Variants in CRIM1 observed in about 807,000 individuals in gnomAD.
CRIM1 encodes the protein cysteine rich transmembrane BMP regulator 1, also known as cysteine-rich motor neuron 1 protein.
CRIM1 carries 32 observed loss-of-function variants against 116.4 expected under a neutral mutation model. The observed-to-expected ratio is 0.27, with a 90% CI of 0.21 to 0.37. CRIM1 has a LOEUF of 0.37. Among genes scored for constraint, CRIM1 ranks in the 10% least tolerant of loss-of-function variants. The pLI is 1.00. For synonymous variants in CRIM1, 590 were observed against 509.2 expected (o/e 1.16, Z -2.13); for missense variants, 1,331 against 1,354.8 (o/e 0.98, Z 0.28).
chr2:36,501,596 C>T (rs1449547199), intron 8 of CRIM1, among the ~76,000 whole-genome samples: 1 of 152,118 alleles, frequency 6.6e-6, no homozygotes, highest in Non-Finnish European at 1.5e-5. Flanking sequence ...ATAGCAAGGG[C>T]CTGTAGTTCC....
At position 36,476,959 on chromosome 2, in the gene CRIM1, T is replaced by C; in HGVS notation, c.1062T>C (p.Cys354=). Residue 354 remains cysteine (C), a synonymous_variant, in exon 6 of 17, where the codon TGT becomes TGC. Coordinates refer to ENST00000280527, the MANE Select transcript of CRIM1 (RefSeq NM_016441.3). ...GAGACATGTTTCGAATGGACAACTG[T>C]CGGTTCTGTCGATGCCAAGGGGGCG... is the stretch of plus-strand genomic sequence containing the variant. ...YDGDMFRMDN[C]RFCRCQGGVA... The C allele has an allele frequency of 1.2e-6, 2 of 1,614,140 alleles. No homozygotes were observed. Among genetic ancestry groups the C allele is most frequent in the Non-Finnish European group, 1.7e-6 (2 of 1,179,942 alleles).
At chr2:36,465,889 CTTT>C (rs546998292) in intron 5 of CRIM1, among the ~76,000 whole-genome samples, 2 of 143,328 alleles carry the variant, frequency 1.4e-5, no homozygotes, top group Admixed American at 7.0e-5. Flanking sequence ...CTTTAGTATT[CTTT>C]TTTTTTTTTT....
chr2:36,365,027 A>C (rs1021034440), intron 1 of CRIM1, among the ~76,000 whole-genome samples: 4 of 152,230 alleles, frequency 2.6e-5, no homozygotes, highest in African/African-American at 9.6e-5. Context: ...AAATCTCTTC[A>C]AAGGGGTGGG....
intron 2 of CRIM1, among the ~76,000 whole-genome samples, chr2:36,402,885 CAAATTA>C (rs1672525421): frequency 6.6e-6 from 1 of 151,922 alleles, no homozygotes; most frequent in African/African-American, 2.4e-5. Context: ...GAGTTTTGGG[CAAATTA>C]AATTTGACAT....
intron 1 of CRIM1, among the ~76,000 whole-genome samples, chr2:36,392,502 T>C (rs1671693561): frequency 6.6e-6 from 1 of 152,038 alleles, no homozygotes. Flanking sequence ...TGTTAGAGAA[T>C]CAGAACCTTG....
At chr2:36,489,200 G>T (rs139433178) in intron 7 of CRIM1, among the ~76,000 whole-genome samples, 1 of 152,126 alleles carries the variant, frequency 6.6e-6, no homozygotes, top group Non-Finnish European at 1.5e-5. Flanking sequence ...CTTGCATGGT[G>T]GTTGAACCCC....
intron 4 of CRIM1, among the ~76,000 whole-genome samples, chr2:36,455,554 C>T (rs947378546): frequency 2.0e-5 from 3 of 152,136 alleles, no homozygotes; most frequent in African/African-American, 4.8e-5. Context: ...CCTCTGCCCT[C>T]TAAAGCGTTG....
intron 14 of CRIM1, among the ~76,000 whole-genome samples, chr2:36,541,470 C>T (rs544563400): frequency 1.1e-4 from 16 of 152,192 alleles, no homozygotes; most frequent in Admixed American, 5.2e-4. Context: ...GAGGGTTATC[C>T]GAAGTCATGG....
chr2:36,490,726 C>A (rs1332899222), intron 7 of CRIM1, among the ~76,000 whole-genome samples: 1 of 152,108 alleles, frequency 6.6e-6, no homozygotes, highest in Non-Finnish European at 1.5e-5. Context: ...ATCCTCCCAC[C>A]TAGGGACATT....
intron 13 of CRIM1, among the ~76,000 whole-genome samples, chr2:36,526,277 A>G (rs899067527): frequency 3.3e-5 from 5 of 152,252 alleles, no homozygotes; most frequent in African/African-American, 7.2e-5. Context: ...GATGAAGAAC[A>G]AGAATCAAAA....
intron 1 of CRIM1, among the ~76,000 whole-genome samples, chr2:36,372,558 G>C (rs957320601): frequency 6.6e-6 from 1 of 152,212 alleles, no homozygotes; most frequent in Non-Finnish European, 1.5e-5. Context: ...CCAAGATAAA[G>C]TATATAGAGT....
intron 7 of CRIM1, among the ~76,000 whole-genome samples, chr2:36,498,599 T>C (rs1255870478): frequency 6.6e-6 from 1 of 152,202 alleles, no homozygotes; most frequent in Non-Finnish European, 1.5e-5. Context: ...GGCTGCTCAC[T>C]CTTTGTCCTG....
chr2:36,541,641 TG>T (rs1160043867), intron 14 of CRIM1, among the ~76,000 whole-genome samples: 1 of 152,176 alleles, frequency 6.6e-6, no homozygotes, highest in Non-Finnish European at 1.5e-5. Flanking sequence ...CAGATGCCTC[TG>T]AAAGTAAAAT....
At chr2:36,397,159 C>T (rs1672088788) in intron 2 of CRIM1, among the ~76,000 whole-genome samples, 1 of 152,108 alleles carries the variant, frequency 6.6e-6, no homozygotes, top group African/African-American at 2.4e-5. Flanking sequence ...AAATGCGGCT[C>T]ATCTGGCATG....
At chr2:36,381,963 TTTCA>T (rs1256329141) in intron 1 of CRIM1, among the ~76,000 whole-genome samples, 1 of 152,178 alleles carries the variant, frequency 6.6e-6, no homozygotes, top group African/African-American at 2.4e-5. Context: ...TTCTGTTTTC[TTTCA>T]TTGGTGGACC....
At chr2:36,425,927 A>G (rs1674412995) in intron 2 of CRIM1, among the ~76,000 whole-genome samples, 2 of 152,352 alleles carry the variant, frequency 1.3e-5, no homozygotes, top group Admixed American at 1.3e-4. Flanking sequence ...TGTCATTTGA[A>G]TCAGGTGAAG....
chr2:36,395,999 G>T (rs192964614), intron 1 of CRIM1, among the ~76,000 whole-genome samples: 1 of 152,094 alleles, frequency 6.6e-6, no homozygotes, highest in Non-Finnish European at 1.5e-5. Context: ...GATCAACCTC[G>T]TGGGCTCAAG....
intron 13 of CRIM1, among the ~76,000 whole-genome samples, chr2:36,533,120 C>G (rs1346820371): frequency 2.0e-5 from 3 of 152,132 alleles, no homozygotes; most frequent in African/African-American, 7.2e-5. Context: ...TTAGATTATG[C>G]TGTTTCCCCC....
At chr2:36,543,376 TC>T (rs1667088841) in intron 14 of CRIM1, among the ~76,000 whole-genome samples, 1 of 152,220 alleles carries the variant, frequency 6.6e-6, no homozygotes, top group Non-Finnish European at 1.5e-5. Context: ...CAGAAAACAA[TC>T]ACTCTGAGCA....
Sources: gnomAD v4.1 joint callset for allele counts (sites outside exome capture counted in the v4.1 genomes callset) on GRCh38, gnomAD v4.1.1 for gene constraint, MANE v1.5 for transcripts, NCBI Gene and HGNC (gene_info 2026-07-23, HGNC 2026-07-21) for gene names.